Variants in BCKDHB observed in about 807,000 individuals in gnomAD.
The protein encoded by BCKDHB is 2-oxoisovalerate dehydrogenase subunit beta, mitochondrial.
In BCKDHB, 41 loss-of-function variants were observed where a neutral mutation model predicts 48.5. The observed-to-expected ratio is 0.85, with a 90% confidence interval of 0.66 to 1.10. The LOEUF (loss-of-function observed/expected upper bound fraction) is 1.10, where lower values mean the gene tolerates loss of function less well. Among genes scored for constraint, BCKDHB ranks in the 50% least tolerant of loss-of-function variants. The pLI is 0.00. For missense variants in BCKDHB, 496 were observed against 494.2 expected (o/e 1.00, Z -0.03); for synonymous variants, 201 against 174.8 (o/e 1.15, Z -1.18).
chr6:80,237,364 C>A (rs1380973967), intron 8 of BCKDHB, among the ~76,000 whole-genome samples: 1 of 152,162 alleles, frequency 6.6e-6, no homozygotes, highest in Non-Finnish European at 1.5e-5. Flanking sequence ...CCTTCTAAAC[C>A]TGCAACTTAA....
At chr6:80,434,868 G>C in the BCKDHB span, among the ~76,000 whole-genome samples, 1 of 152,154 alleles carries the variant, frequency 6.6e-6, no homozygotes, top group Non-Finnish European at 1.5e-5. Context: ...CCCTGGCTTT[G>C]GGCAGTTTCC....
At chr6:80,156,453 T>G (rs946562513) in intron 3 of BCKDHB, among the ~76,000 whole-genome samples, 6 of 152,094 alleles carry the variant, frequency 3.9e-5, no homozygotes, top group African/African-American at 1.2e-4. Context: ...AGAAGAAAGA[T>G]TACATTTTTT....
chr6:80,171,241 T>C lies in BCKDHB; in HGVS notation c.634-41T>C, dbSNP rs768058176. ...TCTTAGCAGCGAGTTTACTGGGATA[T>C]ATTTTTACTAAAATTGTCTTAAAAA... On this transcript the variant is annotated intron_variant, in intron 5 of 9. Transcript: ENST00000320393. 33 of 1,224,450 alleles carry C rather than the reference T, an allele frequency of 2.7e-5. 1 individual carries two copies. The South Asian group carries it at 3.4e-4, about 12-fold the overall frequency. 75.8% of individuals were successfully genotyped at this position (1,224,450 alleles called of 1,614,324 possible). A position where few individuals can be genotyped will look rare whatever the true frequency, so the allele number is the denominator to read the frequency against.
chr6:80,400,594 A>C, the BCKDHB span, among the ~76,000 whole-genome samples: 1 of 152,120 alleles, frequency 6.6e-6, no homozygotes, highest in South Asian at 2.1e-4. Flanking sequence ...GGTTGTGCAG[A>C]AAAGGGAACA....
At chr6:80,208,651 G>A (rs1184838394) in intron 8 of BCKDHB, among the ~76,000 whole-genome samples, 1 of 151,936 alleles carries the variant, frequency 6.6e-6, no homozygotes, top group African/African-American at 2.4e-5. Flanking sequence ...AGGATGTTAT[G>A]AATAATTTTA....
At chr6:80,285,729 A>T (rs1191060297) in intron 9 of BCKDHB, among the ~76,000 whole-genome samples, 1 of 152,118 alleles carries the variant, frequency 6.6e-6, no homozygotes, top group Non-Finnish European at 1.5e-5. Context: ...GTTTGTGCTT[A>T]TGAAGGCTTT....
Position 80,344,678 on chromosome 6 carries a change from A to G in BCKDHB, c.*874A>G, listed in dbSNP as rs1056860970. The G allele has an allele frequency of 6.6e-5, 10 of 152,220 alleles. No homozygotes were observed. The highest frequency in any genetic ancestry group is 1.9e-4 in the African/African-American group (8 of 41,458). 9.4% of individuals were successfully genotyped at this position (152,220 alleles called of 1,614,324 possible). ...TGATTTCTAAAAAATAGATGCATGC[A>G]TATGTTAACATTGAATAGTCAATCA... On this transcript the variant is annotated 3_prime_UTR_variant, in exon 10 of 10. Coordinates refer to ENST00000320393, the MANE Select transcript of BCKDHB (RefSeq NM_183050.4).
the BCKDHB span, among the ~76,000 whole-genome samples, chr6:80,457,572 A>C: frequency 6.6e-6 from 1 of 152,086 alleles, no homozygotes; most frequent in South Asian, 2.1e-4. Context: ...CTATTGGCTC[A>C]CTCATTCTCT....
the BCKDHB span, among the ~76,000 whole-genome samples, chr6:80,392,084 C>G: frequency 6.6e-6 from 1 of 152,044 alleles, no homozygotes; most frequent in African/African-American, 2.4e-5. Context: ...CCTCCACCTC[C>G]CAGGTTCAAG....
At chr6:80,368,701 A>G in the BCKDHB span, among the ~76,000 whole-genome samples, 2 of 141,570 alleles carry the variant, frequency 1.4e-5, no homozygotes, top group Non-Finnish European at 3.2e-5. Flanking sequence ...AGATTTCTAT[A>G]TACATGAACT....
chr6:80,398,153 C>T, the BCKDHB span, among the ~76,000 whole-genome samples: 63 of 147,934 alleles, frequency 4.3e-4, no homozygotes, highest in African/African-American at 1.5e-3. Flanking sequence ...AACAATCTAA[C>T]ATCACAACTA....
chr6:80,389,794 G>A, the BCKDHB span, among the ~76,000 whole-genome samples: 2 of 152,154 alleles, frequency 1.3e-5, no homozygotes, highest in East Asian at 1.9e-4. Flanking sequence ...TCTCCAGAAG[G>A]TCGTGTATGC....
At chr6:80,310,019 A>T (rs148338108) in intron 9 of BCKDHB, among the ~76,000 whole-genome samples, 286 of 152,242 alleles carry the variant, frequency 1.9e-3, no homozygotes, top group African/African-American at 6.8e-3. Flanking sequence ...TGTTGATGCA[A>T]GGACATGATC....
At chr6:80,341,243 C>T (rs1375658056) in intron 9 of BCKDHB, among the ~76,000 whole-genome samples, 1 of 152,106 alleles carries the variant, frequency 6.6e-6, no homozygotes, top group Admixed American at 6.5e-5. Context: ...ATTAAGGAAG[C>T]CCTATGTGTA....
the BCKDHB span, chr6:80,374,205 G>T: frequency 4.2e-5 from 31 of 729,726 alleles, no homozygotes; most frequent in Non-Finnish European, 6.8e-5. Context: ...CATCTTAGAT[G>T]CTTTATTCAT....
At chr6:80,349,871 T>G (rs1770345796), downstream of BCKDHB, among the ~76,000 whole-genome samples, 1 of 152,122 alleles carries the variant, frequency 6.6e-6, no homozygotes. Flanking sequence ...TGAAGTAGAC[T>G]AGAGTAAAAG....
intron 3 of BCKDHB, among the ~76,000 whole-genome samples, chr6:80,154,475 A>G (rs1771941377): frequency 6.6e-6 from 1 of 152,112 alleles, no homozygotes; most frequent in Non-Finnish European, 1.5e-5. Flanking sequence ...CTAGGACACA[A>G]CTAATTCATT....
the BCKDHB span, among the ~76,000 whole-genome samples, chr6:80,406,175 G>A: frequency 2.3e-4 from 35 of 152,256 alleles, no homozygotes; most frequent in African/African-American, 6.0e-4. Context: ...TCATGGCTGC[G>A]TAGTATTCCA....
intron 8 of BCKDHB, among the ~76,000 whole-genome samples, chr6:80,236,360 A>G (rs1324121): frequency 0.36 from 55,315 of 152,068 alleles, 11,993 homozygotes; most frequent in East Asian, 0.55. Flanking sequence ...TCAATGTTGA[A>G]CTAATTTGTA....
Sources: gnomAD v4.1 joint callset for allele counts (sites outside exome capture counted in the v4.1 genomes callset) on GRCh38, gnomAD v4.1.1 for gene constraint, MANE v1.5 for transcripts, NCBI Gene and HGNC (gene_info 2026-07-23, HGNC 2026-07-21) for gene names.